The following DOCK2 variants were observed in gnomAD, a reference collection of about 807,000 sequenced individuals.
DOCK2 encodes the protein dedicator of cytokinesis protein 2.
DOCK2 carries 87 observed loss-of-function variants against 248.9 expected under a neutral mutation model. That is an observed-to-expected ratio of 0.35 (90% confidence interval 0.29 to 0.42). DOCK2 has a LOEUF of 0.42. Among genes scored for constraint, DOCK2 ranks in the 10% least tolerant of loss-of-function variants. The pLI, the probability that DOCK2 is intolerant of heterozygous loss-of-function variation, is 1.00. For synonymous variants in DOCK2, 805 were observed against 821.6 expected (o/e 0.98, Z 0.35); for missense variants, 1,747 against 2,300.2 (o/e 0.76, Z 4.92).
At chr5:169,726,497 G>T (rs1474676644) in intron 22 of DOCK2, among the ~76,000 whole-genome samples, 1 of 152,162 alleles carries the variant, frequency 6.6e-6, no homozygotes, top group African/African-American at 2.4e-5. Flanking sequence ...CTGTGCAGAA[G>T]CTCTTTAGTT....
At chr5:169,918,943 G>A (rs558694346) in intron 27 of DOCK2, among the ~76,000 whole-genome samples, 2 of 152,200 alleles carry the variant, frequency 1.3e-5, no homozygotes, top group East Asian at 3.9e-4. Flanking sequence ...AGATATTTTA[G>A]GGGCCAGATA....
intron 27 of DOCK2, among the ~76,000 whole-genome samples, chr5:169,972,586 T>TA (rs1554122913): frequency 0.23 from 15,467 of 66,600 alleles, 892 homozygotes; most frequent in Middle Eastern, 0.28. Context: ...GATAGATAGA[T>TA]GATAGATAGA....
intron 32 of DOCK2, among the ~76,000 whole-genome samples, chr5:170,013,412 A>T (rs1441016667): frequency 6.6e-6 from 1 of 152,076 alleles, no homozygotes; most frequent in Non-Finnish European, 1.5e-5. Context: ...GATCTTGAAG[A>T]TGGGGAGTGT....
At chr5:170,040,751 A>T (rs1756488216) in intron 36 of DOCK2, 1 of 302,264 alleles carries the variant, frequency 3.3e-6, no homozygotes, top group Non-Finnish European at 5.6e-6. Context: ...ATGGCACCTA[A>T]CTTATCCAGG....
At chr5:170,082,066 G>A (rs945938227) in intron 51 of DOCK2, 82 bp downstream of exon 51, 28 of 1,552,862 alleles carry the variant, frequency 1.8e-5, no homozygotes, top group Admixed American at 1.0e-4. Flanking sequence ...GAAAATGGGG[G>A]GTTGTGTGTG....
chr5:169,999,559 G>T (rs1392777467), intron 30 of DOCK2, among the ~76,000 whole-genome samples: 4 of 152,178 alleles, frequency 2.6e-5, no homozygotes, highest in Non-Finnish European at 4.4e-5. Context: ...GCCTGGGGCT[G>T]TCACACCCAC....
At chr5:169,731,655 C>T (rs1762778026) in intron 22 of DOCK2, among the ~76,000 whole-genome samples, 1 of 143,376 alleles carries the variant, frequency 7.0e-6, no homozygotes, top group Non-Finnish European at 1.5e-5. Context: ...TGCCCAGGTA[C>T]ATTCTTGTAC....
At chr5:169,821,287 C>T (rs747936658) in intron 26 of DOCK2, among the ~76,000 whole-genome samples, 12 of 152,030 alleles carry the variant, frequency 7.9e-5, no homozygotes, top group Non-Finnish European at 1.0e-4. Context: ...AGATACTCCT[C>T]GAGAAGAGCA....
intron 26 of DOCK2, among the ~76,000 whole-genome samples, chr5:169,806,226 T>G (rs981801569): frequency 1.4e-5 from 2 of 147,816 alleles, no homozygotes; most frequent in African/African-American, 5.3e-5. Flanking sequence ...AGAGTTTTTT[T>G]TTTTTTTTTT....
At chr5:169,728,283 T>A (rs1762593681) in intron 22 of DOCK2, among the ~76,000 whole-genome samples, 1 of 152,138 alleles carries the variant, frequency 6.6e-6, no homozygotes, top group Non-Finnish European at 1.5e-5. Context: ...TAGCAGGCAG[T>A]TAGATACAGA....
chr5:169,731,018 A>G (rs1007403659), intron 22 of DOCK2, among the ~76,000 whole-genome samples: 3 of 151,998 alleles, frequency 2.0e-5, no homozygotes, highest in African/African-American at 7.3e-5. Flanking sequence ...AGTAGCTAGG[A>G]CTAATGCCCA....
intron 28 of DOCK2, 36 bp from the exon 29 acceptor site, chr5:169,985,792 A>G (rs761683288): frequency 3.2e-6 from 5 of 1,549,938 alleles, no homozygotes; most frequent in East Asian, 4.6e-5. Flanking sequence ...TTCCTGTAAA[A>G]CAGGATGACA....
At chr5:169,650,775 A>G (rs973913680) in intron 1 of DOCK2, among the ~76,000 whole-genome samples, 4 of 152,174 alleles carry the variant, frequency 2.6e-5, no homozygotes, top group African/African-American at 7.2e-5. Context: ...TGGGCTTGTC[A>G]GGATACCAGT....
chr5:169,904,704 C>T (rs552794325), intron 27 of DOCK2, among the ~76,000 whole-genome samples: 7 of 152,280 alleles, frequency 4.6e-5, no homozygotes, highest in Non-Finnish European at 7.4e-5. Flanking sequence ...TGACAGATAC[C>T]GAGGGTGGCC....
chr5:169,920,682 CAT>C (rs1212619505), intron 27 of DOCK2, among the ~76,000 whole-genome samples: 1 of 152,200 alleles, frequency 6.6e-6, no homozygotes, highest in Non-Finnish European at 1.5e-5. Flanking sequence ...ACAGTGTAGC[CAT>C]AGAGAGCACA....
At chr5:169,679,186 C>T (rs995723005) in intron 6 of DOCK2, among the ~76,000 whole-genome samples, 1 of 152,110 alleles carries the variant, frequency 6.6e-6, no homozygotes, top group Non-Finnish European at 1.5e-5. Context: ...ACTACAGGTG[C>T]GTGCCACCAT....
chr5:169,767,210 A>G (rs868377192), intron 25 of DOCK2, among the ~76,000 whole-genome samples: 42 of 152,220 alleles, frequency 2.8e-4, no homozygotes, highest in African/African-American at 8.9e-4. Flanking sequence ...GTGTCTGTTC[A>G]TGTCCTTTGT....
intron 32 of DOCK2, among the ~76,000 whole-genome samples, chr5:170,013,127 T>C (rs539349386): frequency 2.0e-5 from 3 of 152,124 alleles, no homozygotes; most frequent in South Asian, 4.2e-4. Flanking sequence ...AGGAGGACCA[T>C]GTCAGGACTG....
intron 26 of DOCK2, among the ~76,000 whole-genome samples, chr5:169,833,778 C>A (rs950101879): frequency 6.6e-6 from 1 of 152,206 alleles, no homozygotes; most frequent in African/African-American, 2.4e-5. Context: ...CATCTCCTAG[C>A]GCACTGGTGG....
Sources: allele counts gnomAD v4.1 joint callset (sites outside exome capture counted in the v4.1 genomes callset), GRCh38; gene constraint gnomAD v4.1.1; transcripts MANE v1.5; gene names NCBI Gene and HGNC (gene_info 2026-07-23, HGNC 2026-07-21).